The following ADAMTSL1 variants were observed in gnomAD, a reference collection of about 807,000 sequenced individuals.
The protein encoded by ADAMTSL1 is ADAMTS-like protein 1.
A neutral mutation model predicts 201.8 loss-of-function variants in ADAMTSL1; 126 were observed. The observed-to-expected ratio is 0.62, with a 90% CI of 0.54 to 0.72. ADAMTSL1 has a LOEUF of 0.72. Among genes scored for constraint, ADAMTSL1 ranks in the 30% least tolerant of loss-of-function variants. The pLI is 0.00. For synonymous variants in ADAMTSL1, 1,121 were observed against 903.4 expected (o/e 1.24, Z -4.32); for missense variants, 2,679 against 2,277.8 (o/e 1.18, Z -3.59).
At chr9:18,687,752 G>C (rs937687911) in intron 13 of ADAMTSL1, among the ~76,000 whole-genome samples, 2 of 152,192 alleles carry the variant, frequency 1.3e-5, no homozygotes, top group African/African-American at 2.4e-5. Flanking sequence ...ATGTTGGGAA[G>C]TAACCGCTTT....
chr9:18,512,318 G>C (rs905771055), intron 2 of ADAMTSL1, among the ~76,000 whole-genome samples: 1 of 151,966 alleles, frequency 6.6e-6, no homozygotes, highest in Non-Finnish European at 1.5e-5. Flanking sequence ...CCAATTTATG[G>C]CCTGGTTTAT....
intron 2 of ADAMTSL1, among the ~76,000 whole-genome samples, chr9:18,343,709 C>T (rs1835572963): frequency 6.6e-6 from 1 of 152,030 alleles, no homozygotes; most frequent in Non-Finnish European, 1.5e-5. Context: ...TAGGTTGCAC[C>T]ATCTGAGCTC....
At chr9:18,839,772 T>G (rs1286295239) in intron 23 of ADAMTSL1, among the ~76,000 whole-genome samples, 1 of 152,082 alleles carries the variant, frequency 6.6e-6, no homozygotes, top group Non-Finnish European at 1.5e-5. Context: ...GATTTGCATT[T>G]CTCTGATGGC....
At chr9:18,643,789 G>A (rs1827597968) in intron 7 of ADAMTSL1, among the ~76,000 whole-genome samples, 1 of 151,894 alleles carries the variant, frequency 6.6e-6, no homozygotes, top group African/African-American at 2.4e-5. Flanking sequence ...TAGCTTTTCA[G>A]TAGATTTTGA....
At chr9:18,406,314 C>CTTTTCTT (rs1159982193) in intron 2 of ADAMTSL1, among the ~76,000 whole-genome samples, 1 of 146,724 alleles carries the variant, frequency 6.8e-6, no homozygotes, top group Non-Finnish European at 1.5e-5. Flanking sequence ...CTTTTCTTTT[C>CTTTTCTT]TTTTCTTTTC....
At chr9:18,841,719 G>T (rs1469078680) in intron 23 of ADAMTSL1, among the ~76,000 whole-genome samples, 1 of 152,172 alleles carries the variant, frequency 6.6e-6, no homozygotes, top group Non-Finnish European at 1.5e-5. Context: ...TTCAGTTCCT[G>T]TTATTGGTCT....
intron 23 of ADAMTSL1, among the ~76,000 whole-genome samples, chr9:18,832,313 G>A (rs187315999): frequency 1.1e-4 from 17 of 152,292 alleles, no homozygotes; most frequent in African/African-American, 3.6e-4. Context: ...CACAGTGTGC[G>A]CTCTGGGTAT....
intron 16 of ADAMTSL1, among the ~76,000 whole-genome samples, chr9:18,769,402 C>A (rs964007564): frequency 1.3e-5 from 2 of 152,172 alleles, no homozygotes; most frequent in African/African-American, 4.8e-5. Flanking sequence ...TAAAATTTTA[C>A]AATAAAATAT....
At chr9:18,404,740 C>T (rs1818118743) in intron 2 of ADAMTSL1, among the ~76,000 whole-genome samples, 1 of 152,190 alleles carries the variant, frequency 6.6e-6, no homozygotes, top group South Asian at 2.1e-4. Flanking sequence ...GTGGGGTTTT[C>T]ACTGGATTTC....
At chr9:18,051,176 C>T (rs913942210) in intron 1 of ADAMTSL1, among the ~76,000 whole-genome samples, 2 of 152,126 alleles carry the variant, frequency 1.3e-5, no homozygotes, top group East Asian at 3.9e-4. Context: ...TGGCGGGCGC[C>T]TGTAGCCCCA....
intron 1 of ADAMTSL1, among the ~76,000 whole-genome samples, chr9:18,088,331 T>C (rs1223720835): frequency 6.6e-6 from 1 of 152,100 alleles, no homozygotes; most frequent in Admixed American, 6.5e-5. Context: ...ATAACATTAG[T>C]TTTGGCAGTG....
intron 20 of ADAMTSL1, among the ~76,000 whole-genome samples, chr9:18,810,654 A>C (rs1327505): frequency 6.6e-6 from 1 of 152,104 alleles, no homozygotes; most frequent in Non-Finnish European, 1.5e-5. Context: ...ATGGGGACCC[A>C]ACTTCCCCAA....
At position 18,777,806 on chromosome 9, in the gene ADAMTSL1, A is replaced by G. The variant is rs1431573103; in HGVS notation, c.3577A>G (p.Ser1193Gly). The G allele has an allele frequency of 4.3e-6, 7 of 1,613,750 alleles. No individual in the cohort carries two copies. Among genetic ancestry groups the G allele is most frequent in the East Asian group, 2.2e-5 (1 of 44,860 alleles). The change falls in exon 19 of 29, where the codon AGC becomes GGC. Residue 1193 changes from serine to glycine, a missense_variant. Transcript: ENST00000380548. ...THLGQTVALA[S>G]GTLSVLLHCE... The stretch of plus-strand genomic sequence containing the variant: ...CCTGGGGCAGACGGTGGCCCTGGCC[A>G]GCGGGACACTGAGTGTTCTTCTGCA...
intron 19 of ADAMTSL1, 56 bp downstream of exon 19, chr9:18,777,962 CAA>C: frequency 6.6e-7 from 1 of 1,510,076 alleles, no homozygotes; most frequent in Non-Finnish European, 8.9e-7. Context: ...ACATCTGGCC[CAA>C]GTCACACTAC....
chr9:18,089,994 C>G (rs867374568), intron 1 of ADAMTSL1, among the ~76,000 whole-genome samples: 120 of 152,210 alleles, frequency 7.9e-4, no homozygotes, highest in Middle Eastern at 3.4e-3. Flanking sequence ...AAATACAGTT[C>G]AGAAGTTGTT....
chr9:18,572,869 T>A (rs1822426553), intron 3 of ADAMTSL1, among the ~76,000 whole-genome samples: 2 of 152,156 alleles, frequency 1.3e-5, no homozygotes, highest in Non-Finnish European at 2.9e-5. Context: ...AAACAAAAAA[T>A]TAGAATAAAA....
chr9:18,450,616 G>A (rs1365793966), intron 2 of ADAMTSL1, among the ~76,000 whole-genome samples: 7 of 151,574 alleles, frequency 4.6e-5, no homozygotes, highest in Admixed American at 1.3e-4. Context: ...ATGTATATAT[G>A]TGCATATGTG....
chr9:18,202,413 A>C (rs1210068536), intron 2 of ADAMTSL1, among the ~76,000 whole-genome samples: 2 of 152,232 alleles, frequency 1.3e-5, no homozygotes, highest in African/African-American at 4.8e-5. Flanking sequence ...ACGTGTGCTC[A>C]ATCTTCAGTG....
At chr9:18,183,280 GA>G (rs1182593616) in intron 2 of ADAMTSL1, among the ~76,000 whole-genome samples, 1 of 152,146 alleles carries the variant, frequency 6.6e-6, no homozygotes, top group Non-Finnish European at 1.5e-5. Context: ...AAAATTCTTA[GA>G]AGATAACATG....
Sources: gnomAD v4.1 joint callset for allele counts (sites outside exome capture counted in the v4.1 genomes callset) on GRCh38, gnomAD v4.1.1 for gene constraint, MANE v1.5 for transcripts, NCBI Gene and HGNC (gene_info 2026-07-23, HGNC 2026-07-21) for gene names.